Variants in CDKAL1 observed in about 807,000 individuals in gnomAD.
CDKAL1 encodes threonylcarbamoyladenosine tRNA methylthiotransferase.
A neutral mutation model predicts 68.2 loss-of-function variants in CDKAL1; 32 were observed. The observed-to-expected ratio is 0.47, with a 90% CI of 0.35 to 0.63. CDKAL1 has a LOEUF of 0.63. Ranked by LOEUF, CDKAL1 falls within the 30% of genes least tolerant of loss-of-function variation. The pLI, the probability that CDKAL1 is intolerant of heterozygous loss-of-function variation, is 0.00. For synonymous variants in CDKAL1, 234 were observed against 244.3 expected (o/e 0.96, Z 0.39); for missense variants, 606 against 696.7 (o/e 0.87, Z 1.47).
chr6:21,128,764 A>C (rs1775141661), intron 13 of CDKAL1, among the ~76,000 whole-genome samples: 1 of 152,238 alleles, frequency 6.6e-6, no homozygotes, highest in African/African-American at 2.4e-5. Context: ...TCATTTTGTA[A>C]TAGCAGAAAG....
At chr6:21,062,946 G>A (rs62404465) in intron 11 of CDKAL1, among the ~76,000 whole-genome samples, 28,770 of 151,910 alleles carry the variant, frequency 0.19, 2,803 homozygotes, top group Middle Eastern at 0.24. Context: ...ACGAAGTCTT[G>A]TTCTGTCACC....
chr6:20,891,763 G>A (rs1203058792), intron 9 of CDKAL1, among the ~76,000 whole-genome samples: 1 of 152,050 alleles, frequency 6.6e-6, no homozygotes, highest in Non-Finnish European at 1.5e-5. Flanking sequence ...TTGATCTCTT[G>A]ACCTCGTGAT....
chr6:20,662,865 C>T (rs1167220371), intron 5 of CDKAL1, among the ~76,000 whole-genome samples: 1 of 152,094 alleles, frequency 6.6e-6, no homozygotes, highest in Admixed American at 6.6e-5. Flanking sequence ...AGGTTATCTG[C>T]ATGTCATAGA....
intron 11 of CDKAL1, among the ~76,000 whole-genome samples, chr6:21,033,223 C>A (rs1769390982): frequency 6.6e-6 from 1 of 152,038 alleles, no homozygotes; most frequent in African/African-American, 2.4e-5. Flanking sequence ...TAAGCTGTTG[C>A]AATATTTTCC....
At chr6:21,204,443 C>A (rs781571179) in intron 15 of CDKAL1, among the ~76,000 whole-genome samples, 1 of 152,192 alleles carries the variant, frequency 6.6e-6, no homozygotes, top group Middle Eastern at 3.4e-3. Context: ...GATAAAGATT[C>A]CTTTTACAAA....
chr6:20,638,247 A>G (rs758533581), intron 4 of CDKAL1, among the ~76,000 whole-genome samples: 5 of 152,202 alleles, frequency 3.3e-5, no homozygotes, highest in Non-Finnish European at 5.9e-5. Flanking sequence ...TAAGTGAAAA[A>G]TAGTATTTTT....
At chr6:20,751,771 A>G (rs1773932682) in intron 6 of CDKAL1, among the ~76,000 whole-genome samples, 1 of 152,224 alleles carries the variant, frequency 6.6e-6, no homozygotes, top group African/African-American at 2.4e-5. Context: ...GGAGTCAGTA[A>G]TAAAACATAC....
intron 9 of CDKAL1, among the ~76,000 whole-genome samples, chr6:20,854,335 C>G (rs9465921): frequency 0.067 from 10,138 of 152,108 alleles, 388 homozygotes; most frequent in Middle Eastern, 0.082. Flanking sequence ...TCTGTTATGC[C>G]GAAGTCTCTG....
intron 2 of CDKAL1, among the ~76,000 whole-genome samples, chr6:20,542,583 A>AT (rs1763430420): frequency 6.7e-6 from 1 of 150,124 alleles, no homozygotes; most frequent in African/African-American, 2.5e-5. Context: ...TTCCCCCCCC[A>AT]TTTTTTTCTT....
intron 5 of CDKAL1, among the ~76,000 whole-genome samples, chr6:20,666,153 C>T (rs1170901983): frequency 6.6e-6 from 1 of 151,922 alleles, no homozygotes; most frequent in Non-Finnish European, 1.5e-5. Context: ...TAGAAAATAT[C>T]CAAAGGGCAT....
chr6:21,188,355 A>T (rs1038779291), intron 13 of CDKAL1, among the ~76,000 whole-genome samples: 10 of 152,092 alleles, frequency 6.6e-5, no homozygotes, highest in African/African-American at 2.2e-4. Context: ...CATCTTTTCA[A>T]CTGACAAATA....
intron 5 of CDKAL1, among the ~76,000 whole-genome samples, chr6:20,686,281 C>T (rs185830846): frequency 7.9e-5 from 12 of 152,232 alleles, no homozygotes; most frequent in East Asian, 7.7e-4. Context: ...GGAACCAGGC[C>T]GCATAGCAGG....
intron 10 of CDKAL1, among the ~76,000 whole-genome samples, chr6:20,968,917 G>A (rs889249726): frequency 1.3e-5 from 2 of 151,942 alleles, no homozygotes; most frequent in Admixed American, 6.6e-5. Context: ...CTTTCTCAGG[G>A]ACAGTTTCTA....
At chr6:20,841,752 C>G (rs1353739894) in intron 8 of CDKAL1, among the ~76,000 whole-genome samples, 1 of 152,046 alleles carries the variant, frequency 6.6e-6, no homozygotes, top group African/African-American at 2.4e-5. Flanking sequence ...ACCTTTTTTA[C>G]AAAAATAAAA....
At chr6:21,229,987 G>A (rs1188712018) in intron 15 of CDKAL1, among the ~76,000 whole-genome samples, 1 of 152,112 alleles carries the variant, frequency 6.6e-6, no homozygotes, top group Non-Finnish European at 1.5e-5. Context: ...TCTCTATCTG[G>A]CATGAAGAGA....
chr6:20,666,923 C>T (rs907071837), intron 5 of CDKAL1, among the ~76,000 whole-genome samples: 13 of 152,068 alleles, frequency 8.5e-5, no homozygotes, highest in Non-Finnish European at 1.9e-4. Flanking sequence ...CAGGGCTGGT[C>T]AAAAGAGACA....
At chr6:20,543,985 G>T (rs1763488391) in intron 2 of CDKAL1, among the ~76,000 whole-genome samples, 1 of 152,000 alleles carries the variant, frequency 6.6e-6, no homozygotes, top group African/African-American at 2.4e-5. Context: ...TGATCCACAC[G>T]CCTCGGCCTG....
At chr6:21,188,689 G>T (rs985021302) in intron 13 of CDKAL1, among the ~76,000 whole-genome samples, 12 of 152,188 alleles carry the variant, frequency 7.9e-5, no homozygotes, top group African/African-American at 2.7e-4. Flanking sequence ...GCCTGGGCAT[G>T]ACAGAGCTTG....
At position 20,603,363 on chromosome 6, in the gene CDKAL1, T is replaced by C. The variant is rs145787593; in HGVS notation, c.287-45930T>C. ...GGGAACAAGCAGCAGCTATCTGTTA[T>C]TAAGTGAAAATGGTATATAAGAGAC... On this transcript the variant is annotated intron_variant, in intron 4 of 15. Transcript: ENST00000274695. Among the ~76,000 whole-genome samples, 380 of 152,314 alleles carry C rather than the reference T, an allele frequency of 2.5e-3. 1 individual carries two copies. Among genetic ancestry groups the C allele is most frequent in the African/African-American group, 8.8e-3 (365 of 41,566 alleles).
Sources: gnomAD v4.1 joint callset for allele counts (sites outside exome capture counted in the v4.1 genomes callset) on GRCh38, gnomAD v4.1.1 for gene constraint, MANE v1.5 for transcripts, NCBI Gene and HGNC (gene_info 2026-07-23, HGNC 2026-07-21) for gene names.